Variants in ZNF717 observed in about 807,000 individuals in gnomAD.
ZNF717 encodes zinc finger protein 717.
In ZNF717, 9 loss-of-function variants were observed where a neutral mutation model predicts 13.8. The observed-to-expected ratio is 0.65, with a 90% CI of 0.39 to 1.14. The LOEUF is 1.14. Ranked by LOEUF, ZNF717 falls within the 50% of genes most tolerant of loss-of-function variation. The probability of loss-of-function intolerance (pLI) is 0.01; values close to 1 mark genes in which losing one functional copy is unlikely to be tolerated. For synonymous variants in ZNF717, 327 were observed against 364.1 expected (o/e 0.90, Z 1.16); for missense variants, 1,040 against 1,080.7 (o/e 0.96, Z 0.53).
At chr3:75,708,340 G>A (rs1245760555), downstream of ZNF717, among the ~76,000 whole-genome samples, 2 of 152,424 alleles carry the variant, frequency 1.3e-5, no homozygotes, top group African/African-American at 4.8e-5. Flanking sequence ...CACTGCTGCT[G>A]ATACCCAGGC....
chr3:75,757,627 T>C (rs1430776631), intron 2 of ZNF717, among the ~76,000 whole-genome samples: 1 of 152,224 alleles, frequency 6.6e-6, no homozygotes, highest in Non-Finnish European at 1.5e-5. Flanking sequence ...CTGCTGCCCT[T>C]GGATCAAAGA....
exon 6 of ZNF717, chr3:75,710,293 T>C (rs1937904994): frequency 6.6e-6 from 1 of 152,258 alleles, no homozygotes; most frequent in Non-Finnish European, 1.5e-5. Flanking sequence ...TCAGGTGAGA[T>C]GGTGTAACCA....
In ZNF717 at chr3:75,746,541, C is replaced by G. The variant is rs200234552; in HGVS notation, c.58-4805G>C. Among the ~76,000 whole-genome samples the G allele has an allele frequency of 2.8e-3, 424 of 152,236 alleles. 17 individuals are homozygous for G. The East Asian group carries it at 0.072, about 26-fold the overall frequency. On this transcript the variant is annotated intron_variant, in intron 2 of 4. Coordinates refer to ENST00000652011, the MANE Select transcript of ZNF717 (RefSeq NM_001290208.3). Reference sequence around the variant, plus strand: ...TATTTCTCCACATCCTCTCCAGCACCTGTTGTTTCCTGACTTTTTAATGAT... The same window carrying G: ...TATTTCTCCACATCCTCTCCAGCACGTGTTGTTTCCTGACTTTTTAATGAT...
At chr3:75,772,785 A>G (rs975266647) in intron 2 of ZNF717, among the ~76,000 whole-genome samples, 3 of 152,238 alleles carry the variant, frequency 2.0e-5, no homozygotes, top group African/African-American at 7.2e-5. Context: ...TGAGCAAAAC[A>G]CAGGTAAAGG....
Sources: gnomAD v4.1 joint callset for allele counts (sites outside exome capture counted in the v4.1 genomes callset) on GRCh38, gnomAD v4.1.1 for gene constraint, MANE v1.5 for transcripts, NCBI Gene and HGNC (gene_info 2026-07-23, HGNC 2026-07-21) for gene names.